Variants in NINJ2 observed in about 807,000 individuals in gnomAD.
NINJ2 encodes ninjurin-2.
A neutral mutation model predicts 11.7 loss-of-function variants in NINJ2; 12 were observed. The observed-to-expected ratio is 1.02, with a 90% CI of 0.66 to 1.66. The LOEUF (loss-of-function observed/expected upper bound fraction) is 1.66. NINJ2 is among the 40% of genes most tolerant of loss of function. The pLI is 0.00. For synonymous variants in NINJ2, 93 were observed against 76.8 expected (o/e 1.21, Z -1.10); for missense variants, 187 against 181.8 (o/e 1.03, Z -0.16).
chr12:565,418 TG>T lies in NINJ2; in HGVS notation c.263-18del, dbSNP rs1565615806. On this transcript the variant is annotated intron_variant, in intron 2 of 3. Coordinates refer to ENST00000305108, the MANE Select transcript of NINJ2 (RefSeq NM_016533.6). The stretch of plus-strand genomic sequence containing the variant: ...TCAGCCGTGCTGCAGGGAAGTGGAG[TG>T]GGGGGAAAGGGTCAGAGACGGGGCC... 1 of 1,610,520 alleles carries T rather than the reference TG, an allele frequency of 6.2e-7. No homozygotes were observed. Among genetic ancestry groups the T allele is most frequent in the Non-Finnish European group, 8.5e-7 (1 of 1,178,498 alleles).
intron 1 of NINJ2, among the ~76,000 whole-genome samples, chr12:616,982 G>T (rs1429949673): frequency 6.6e-6 from 1 of 152,212 alleles, no homozygotes; most frequent in Non-Finnish European, 1.5e-5. Context: ...AAGGTTGGCG[G>T]ATCACCTGAG....
chr12:588,025 G>A (rs962791475), intron 1 of NINJ2, among the ~76,000 whole-genome samples: 11 of 152,166 alleles, frequency 7.2e-5, no homozygotes, highest in Non-Finnish European at 1.2e-4. Context: ...GGCATGACAC[G>A]ACAGCCAACA....
At chr12:604,559 A>G (rs1947913968) in intron 1 of NINJ2, among the ~76,000 whole-genome samples, 2 of 152,148 alleles carry the variant, frequency 1.3e-5, no homozygotes, top group Non-Finnish European at 2.9e-5. Context: ...AATCGCTTGA[A>G]CCTGGGAGGC....
At chr12:577,433 A>ATATATGTG (rs1555161811) in intron 1 of NINJ2, among the ~76,000 whole-genome samples, 1 of 139,972 alleles carries the variant, frequency 7.1e-6, no homozygotes, top group African/African-American at 2.6e-5. Flanking sequence ...ATATATACAT[A>ATATATGTG]TATATATATA....
chr12:580,934 CTG>C lies in NINJ2; in HGVS notation c.34-14758_34-14757del, dbSNP rs1012542495. ...TGTCTGTATGTTTGTGTGTGTGTGC[CTG>C]TGTGTCTGTGTGTATTCATGTGTGT... On this transcript the variant is annotated intron_variant, in intron 1 of 3. Transcript: ENST00000305108. The surrounding 1 kb of genome is among the most constrained non-coding windows in gnomAD (Gnocchi z 4.7). Among the ~76,000 whole-genome samples, 5 of 148,346 alleles carry C rather than the reference CTG, an allele frequency of 3.4e-5. No individual in the cohort carries two copies. The highest frequency in any genetic ancestry group is 7.5e-5 in the African/African-American group (3 of 40,120).
chr12:624,965 C>T (rs1371782034), intron 1 of NINJ2, among the ~76,000 whole-genome samples: 1 of 151,810 alleles, frequency 6.6e-6, no homozygotes, highest in African/African-American at 2.4e-5. Context: ...AAATATCATC[C>T]TGGCATGGTC....
chr12:661,008 T>G (rs1326335387), intron 1 of NINJ2, among the ~76,000 whole-genome samples: 1 of 152,178 alleles, frequency 6.6e-6, no homozygotes, highest in Non-Finnish European at 1.5e-5. Flanking sequence ...TGTCAGCCAT[T>G]GATGTACCTT....
At chr12:656,792 A>G (rs1158670385) in intron 1 of NINJ2, among the ~76,000 whole-genome samples, 2 of 152,070 alleles carry the variant, frequency 1.3e-5, no homozygotes. Flanking sequence ...AATTAAGACA[A>G]TGTGTTTTGG....
intron 1 of NINJ2, among the ~76,000 whole-genome samples, chr12:658,613 G>A (rs1393546466): frequency 6.6e-6 from 1 of 152,106 alleles, no homozygotes; most frequent in African/African-American, 2.4e-5. Context: ...GAGGCAGAAT[G>A]CAGAGGATTT....
chr12:636,135 G>A (rs1592110709), intron 1 of NINJ2, among the ~76,000 whole-genome samples: 1 of 152,288 alleles, frequency 6.6e-6, no homozygotes, highest in East Asian at 1.9e-4. Context: ...CTAGCACTTT[G>A]GGAGGCCGAG....
At chr12:568,596 G>A (rs1241140759) in intron 1 of NINJ2, among the ~76,000 whole-genome samples, 1 of 152,206 alleles carries the variant, frequency 6.6e-6, no homozygotes, top group African/African-American at 2.4e-5. Flanking sequence ...GTCATTGGAG[G>A]ATCAAACATA....
At chr12:596,663 C>G (rs1592085911) in intron 1 of NINJ2, among the ~76,000 whole-genome samples, 2 of 152,142 alleles carry the variant, frequency 1.3e-5, no homozygotes, top group East Asian at 3.8e-4. Flanking sequence ...TGGCTCACAC[C>G]TATAATCCCA....
intron 1 of NINJ2, among the ~76,000 whole-genome samples, chr12:608,974 C>A (rs753680425): frequency 6.6e-6 from 1 of 152,078 alleles, no homozygotes; most frequent in East Asian, 1.9e-4. Context: ...TCAATCTAGG[C>A]AACACTCGCT....
At chr12:568,255 T>G (rs1367631517) in intron 1 of NINJ2, among the ~76,000 whole-genome samples, 2 of 152,222 alleles carry the variant, frequency 1.3e-5, no homozygotes, top group Admixed American at 1.3e-4. Flanking sequence ...TAAAATATGG[T>G]CTTGGGCACT....
intron 1 of NINJ2, chr12:641,060 T>G (rs1014983863): frequency 1.3e-5 from 2 of 152,244 alleles, no homozygotes; most frequent in African/African-American, 4.8e-5. Context: ...GGCTGTTCTC[T>G]TATGTAACCA....
At chr12:654,393 T>C (rs1020498503) in intron 1 of NINJ2, among the ~76,000 whole-genome samples, 25 of 151,108 alleles carry the variant, frequency 1.7e-4, no homozygotes, top group Admixed American at 1.2e-3. Flanking sequence ...TGGTGGCACA[T>C]GCGTATAATC....
chr12:598,737 T>A (rs1947822832), intron 1 of NINJ2, among the ~76,000 whole-genome samples: 1 of 152,138 alleles, frequency 6.6e-6, no homozygotes, highest in Non-Finnish European at 1.5e-5. Flanking sequence ...TCTTTCTTTG[T>A]CATCCAGGCT....
At chr12:611,261 CTT>C (rs1491118965) in intron 1 of NINJ2, among the ~76,000 whole-genome samples, 63 of 38,750 alleles carry the variant, frequency 1.6e-3, no homozygotes, top group East Asian at 3.6e-3. Context: ...CTCTCTCTTT[CTT>C]TCTTTCTTTC....
At chr12:579,986 G>A (rs1947524319) in intron 1 of NINJ2, among the ~76,000 whole-genome samples, 1 of 152,234 alleles carries the variant, frequency 6.6e-6, no homozygotes, top group South Asian at 2.1e-4. Flanking sequence ...GGGCTGGGAA[G>A]ACAGGAGCTG....
Sources: gnomAD v4.1 joint callset for allele counts (sites outside exome capture counted in the v4.1 genomes callset) on GRCh38, gnomAD v4.1.1 for gene constraint, Gnocchi (gnomAD v3.1) non-coding constraint, MANE v1.5 for transcripts, NCBI Gene and HGNC (gene_info 2026-07-23, HGNC 2026-07-21) for gene names.